The following AK5 variants were observed in gnomAD, a reference collection of about 807,000 sequenced individuals.
The protein encoded by AK5 is adenylate kinase 5, also known as adenylate kinase isoenzyme 5.
In AK5, 27 loss-of-function variants were observed where a neutral mutation model predicts 69.5. That is an observed-to-expected ratio of 0.39 (90% CI 0.29 to 0.54). The LOEUF (loss-of-function observed/expected upper bound fraction) is 0.54. AK5 is among the 20% of genes least tolerant of loss of function. AK5 has a pLI of 0.71. For synonymous variants in AK5, 260 were observed against 244.4 expected (o/e 1.06, Z -0.60); for missense variants, 531 against 700.4 (o/e 0.76, Z 2.73).
At position 77,367,611 on chromosome 1, in the gene AK5, A is replaced by ATATATATGT. The variant is rs1491522952; in HGVS notation, c.891+27053_891+27061dup. 2.7e-4 allele frequency among the ~76,000 whole-genome samples: 19 copies of ATATATATGT among 70,736 alleles called. 2 individuals carry two copies. Among genetic ancestry groups the ATATATATGT allele is most frequent in the Admixed American group, 3.8e-4 (2 of 5,286 alleles). 46.4% of individuals were successfully genotyped at this position (70,736 alleles called of 152,430 possible). The stretch of plus-strand genomic sequence containing the variant: ...ATGTTATATATGTAATATATATGTA[A>ATATATATGT]TATATATGTTATATATGTAATATAT... On this transcript the variant is annotated intron_variant, in intron 6 of 13. Coordinates refer to ENST00000354567, the MANE Select transcript of AK5 (RefSeq NM_174858.3).
chr1:77,333,048 G>A (rs1220171256), intron 5 of AK5, among the ~76,000 whole-genome samples: 1 of 151,412 alleles, frequency 6.6e-6, no homozygotes, highest in African/African-American at 2.4e-5. Flanking sequence ...TAATGACATG[G>A]CACTCTTTAG....
intron 8 of AK5, among the ~76,000 whole-genome samples, chr1:77,445,487 T>C (rs1383008600): frequency 6.6e-6 from 1 of 152,230 alleles, no homozygotes; most frequent in Non-Finnish European, 1.5e-5. Context: ...TATATTTTCC[T>C]GCTACCAGAG....
chr1:77,322,567 AAAAAACT>A (rs1660591340), intron 5 of AK5, among the ~76,000 whole-genome samples: 1 of 152,216 alleles, frequency 6.6e-6, no homozygotes, highest in Admixed American at 6.5e-5. Flanking sequence ...AACAAAGACA[AAAAAACT>A]TTAAAAACGG....
At chr1:77,461,072 C>T (rs1458877257) in intron 8 of AK5, among the ~76,000 whole-genome samples, 110 of 137,800 alleles carry the variant, frequency 8.0e-4, no homozygotes, top group African/African-American at 2.8e-3. Flanking sequence ...CTGGGTCTTT[C>T]GCCCAGGCTG....
intron 8 of AK5, among the ~76,000 whole-genome samples, chr1:77,474,883 C>G (rs1557619065): frequency 6.6e-6 from 1 of 152,110 alleles, no homozygotes; most frequent in African/African-American, 2.4e-5. Context: ...CAGCTCACTG[C>G]AGCCTCAAAC....
chr1:77,320,687 T>G (rs1660484987), intron 5 of AK5, among the ~76,000 whole-genome samples: 1 of 152,046 alleles, frequency 6.6e-6, no homozygotes, highest in Non-Finnish European at 1.5e-5. Flanking sequence ...AAGCAGAGAT[T>G]GCAGTGAGCT....
At chr1:77,310,825 A>G (rs1659907945) in intron 5 of AK5, among the ~76,000 whole-genome samples, 1 of 152,164 alleles carries the variant, frequency 6.6e-6, no homozygotes, top group Non-Finnish European at 1.5e-5. Flanking sequence ...GAGAACTCAC[A>G]TATTCCCATC....
In AK5 at chr1:77,392,510, CT is replaced by C. The variant is rs573846085; in HGVS notation, c.892-18469del. 2.0e-5 allele frequency among the ~76,000 whole-genome samples: 3 copies of C among 152,288 alleles called. No individual in the cohort carries two copies. In the South Asian group the frequency reaches 6.2e-4, roughly 32 times the overall value. On this transcript the variant is annotated intron_variant, in intron 6 of 13. Transcript: ENST00000354567. Reference sequence around the variant, plus strand: ...TTAAAGTGAGATAAGTATCTGGCTACTTACAAATCATTAAAAATTATGTATC... The same window carrying C: ...TTAAAGTGAGATAAGTATCTGGCTACTACAAATCATTAAAAATTATGTATC...
intron 10 of AK5, among the ~76,000 whole-genome samples, chr1:77,491,747 T>G (rs1386444667): frequency 1.3e-5 from 2 of 152,228 alleles, no homozygotes; most frequent in Non-Finnish European, 2.9e-5. Flanking sequence ...CAACATTTAT[T>G]GAGCAGTTAA....
intron 8 of AK5, among the ~76,000 whole-genome samples, chr1:77,452,186 T>A (rs1653199216): frequency 6.6e-6 from 1 of 152,238 alleles, no homozygotes; most frequent in African/African-American, 2.4e-5. Context: ...TGCAATTATA[T>A]GTATCTTTTT....
At chr1:77,321,963 T>C (rs1296921813) in intron 5 of AK5, among the ~76,000 whole-genome samples, 1 of 152,210 alleles carries the variant, frequency 6.6e-6, no homozygotes, top group Admixed American at 6.5e-5. Flanking sequence ...AATTTACTAA[T>C]CAATTGTATT....
At chr1:77,343,565 G>A (rs60401394) in intron 6 of AK5, among the ~76,000 whole-genome samples, 25,274 of 152,046 alleles carry the variant, frequency 0.17, 2,234 homozygotes, top group South Asian at 0.27. Flanking sequence ...CCATGCAGCC[G>A]CTTTGCCTGA....
chr1:77,387,631 C>CA (rs1277606216), intron 6 of AK5, among the ~76,000 whole-genome samples: 13 of 152,162 alleles, frequency 8.5e-5, no homozygotes, highest in Non-Finnish European at 1.6e-4. Context: ...TCCTAAACCC[C>CA]AATCATACTC....
At position 77,553,414 on chromosome 1, in the gene AK5, G is replaced by A. The variant is rs1050569423; in HGVS notation, c.1621-5188G>A. Among the ~76,000 whole-genome samples, 14 of 152,308 alleles carry A rather than the reference G, an allele frequency of 9.2e-5. No individual in the cohort carries two copies. In the South Asian group the frequency reaches 2.9e-3, roughly 32 times the overall value. The stretch of plus-strand genomic sequence containing the variant: ...AGATGAAGCAGAGGGCGTAACTGAG[G>A]CTGAAAAGTCCCACTACACATGTGC... On this transcript the variant is annotated intron_variant, in intron 13 of 13. Coordinates refer to ENST00000354567, the MANE Select transcript of AK5 (RefSeq NM_174858.3).
At chr1:77,411,916 A>T (rs527270678) in intron 7 of AK5, among the ~76,000 whole-genome samples, 10 of 152,364 alleles carry the variant, frequency 6.6e-5, no homozygotes, top group Admixed American at 5.9e-4. Flanking sequence ...ATGTAAACTC[A>T]TCTGCCTAAC....
chr1:77,405,008 T>C (rs1649524256), intron 6 of AK5, among the ~76,000 whole-genome samples: 1 of 152,206 alleles, frequency 6.6e-6, no homozygotes, highest in Non-Finnish European at 1.5e-5. Flanking sequence ...CAACGTTTCT[T>C]ATATTCCTCA....
chr1:77,433,395 G>A (rs1047609429), intron 8 of AK5, among the ~76,000 whole-genome samples: 2 of 151,678 alleles, frequency 1.3e-5, no homozygotes, highest in Non-Finnish European at 2.9e-5. Flanking sequence ...TTGACCATAC[G>A]GTAATCTCAA....
intron 6 of AK5, among the ~76,000 whole-genome samples, chr1:77,397,667 G>A (rs565535475): frequency 6.6e-6 from 1 of 152,306 alleles, no homozygotes; most frequent in South Asian, 2.1e-4. Flanking sequence ...AGCCAAAGCA[G>A]GAGAATCACT....
intron 9 of AK5, among the ~76,000 whole-genome samples, chr1:77,485,886 G>A (rs753967004): frequency 3.9e-5 from 6 of 152,162 alleles, no homozygotes; most frequent in African/African-American, 7.2e-5. Flanking sequence ...GGAGGCCAAG[G>A]CAGGTGGATC....
Sources: allele counts gnomAD v4.1 joint callset (sites outside exome capture counted in the v4.1 genomes callset), GRCh38; gene constraint gnomAD v4.1.1; transcripts MANE v1.5; gene names NCBI Gene and HGNC (gene_info 2026-07-23, HGNC 2026-07-21).